Variants in DAB1 observed in about 807,000 individuals in gnomAD.
DAB1 encodes DAB adaptor protein 1.
In DAB1, 15 loss-of-function variants were observed where a neutral mutation model predicts 64.6. That is an observed-to-expected ratio of 0.23 (90% CI 0.16 to 0.36). DAB1 has a LOEUF of 0.36. Ranked by LOEUF, DAB1 falls within the 10% of genes least tolerant of loss-of-function variation. The pLI, the probability that DAB1 is intolerant of heterozygous loss-of-function variation, is 1.00. For missense variants in DAB1, 596 were observed against 706.7 expected (o/e 0.84, Z 1.78); for synonymous variants, 235 against 251.9 (o/e 0.93, Z 0.64).
chr1:57,408,536 G>T, intron 1 of DAB1, among the ~76,000 whole-genome samples: 1 of 152,086 alleles, frequency 6.6e-6, no homozygotes, highest in East Asian at 1.9e-4. Flanking sequence ...TTCTGGAATT[G>T]CAGAAAAGGG....
chr1:58,003,401 T>C (rs1048034459), intron 5 of DAB1, among the ~76,000 whole-genome samples: 1 of 152,210 alleles, frequency 6.6e-6, no homozygotes, highest in Non-Finnish European at 1.5e-5. Flanking sequence ...ATTTGCATTG[T>C]AGATGGGAGA....
intron 7 of DAB1, among the ~76,000 whole-genome samples, chr1:57,469,262 T>C (rs1687060313): frequency 6.6e-6 from 1 of 152,174 alleles, no homozygotes; most frequent in Admixed American, 6.5e-5. Flanking sequence ...ACAATTAACA[T>C]ATGCAAAGCA....
chr1:58,441,001 C>G (rs780292065), intron 3 of DAB1, among the ~76,000 whole-genome samples: 1 of 152,224 alleles, frequency 6.6e-6, no homozygotes, highest in Non-Finnish European at 1.5e-5. Flanking sequence ...TGCCTTGGAA[C>G]TATCCCAGTC....
intron 5 of DAB1, among the ~76,000 whole-genome samples, chr1:57,987,987 T>C (rs1557597642): frequency 6.6e-6 from 1 of 152,046 alleles, no homozygotes; most frequent in Non-Finnish European, 1.5e-5. Context: ...CTTTTTGAGA[T>C]TGCAATTAAG....
intron 5 of DAB1, among the ~76,000 whole-genome samples, chr1:58,042,381 C>T (rs1647149926): frequency 6.6e-6 from 1 of 152,184 alleles, no homozygotes; most frequent in Non-Finnish European, 1.5e-5. Flanking sequence ...TTGATATCTA[C>T]TGTGTATCAG....
At chr1:58,067,023 C>T (rs913537828) in intron 5 of DAB1, among the ~76,000 whole-genome samples, 3 of 152,180 alleles carry the variant, frequency 2.0e-5, no homozygotes, top group African/African-American at 7.2e-5. Flanking sequence ...GTTCTCTTCA[C>T]CTGGAGTGTT....
chr1:57,697,655 T>C (rs987563957), intron 6 of DAB1, among the ~76,000 whole-genome samples: 3 of 152,122 alleles, frequency 2.0e-5, no homozygotes, highest in Non-Finnish European at 4.4e-5. Context: ...GAAATTGTTA[T>C]GAAATGCCTT....
At chr1:58,351,583 T>C (rs1569672772) in intron 3 of DAB1, among the ~76,000 whole-genome samples, 1 of 151,912 alleles carries the variant, frequency 6.6e-6, no homozygotes, top group Non-Finnish European at 1.5e-5. Context: ...GAGTAAGTTC[T>C]CCAGCCTCTC....
chr1:57,534,424 G>A (rs948708475), intron 7 of DAB1, among the ~76,000 whole-genome samples: 4 of 152,168 alleles, frequency 2.6e-5, no homozygotes, highest in African/African-American at 9.7e-5. Context: ...CCTTCCAAGT[G>A]CTGGGCTGGT....
intron 5 of DAB1, among the ~76,000 whole-genome samples, chr1:58,041,130 G>C (rs1185635772): frequency 2.0e-5 from 3 of 152,212 alleles, no homozygotes; most frequent in Non-Finnish European, 4.4e-5. Context: ...TTAAGAGTTA[G>C]TTCCAGTGTC....
At chr1:57,810,345 A>G (rs1391652061) in intron 6 of DAB1, among the ~76,000 whole-genome samples, 1 of 152,162 alleles carries the variant, frequency 6.6e-6, no homozygotes, top group Admixed American at 6.6e-5. Flanking sequence ...GAAGAGGAAG[A>G]CTTTTCTATA....
chr1:58,312,399 A>G (rs1662450539), intron 4 of DAB1, among the ~76,000 whole-genome samples: 1 of 152,228 alleles, frequency 6.6e-6, no homozygotes, highest in South Asian at 2.1e-4. Flanking sequence ...GTGGCAATGA[A>G]AAAGACATGC....
chr1:58,143,212 ATGCTTTATTGAATGGAAG>A (rs1654384086), intron 5 of DAB1, among the ~76,000 whole-genome samples: 1 of 152,136 alleles, frequency 6.6e-6, no homozygotes. Flanking sequence ...TCCTCAATAA[ATGCTTTATTGAATGGAAG>A]TGTTTACATG....
At chr1:57,545,285 C>G (rs537119647) in intron 7 of DAB1, among the ~76,000 whole-genome samples, 1 of 152,334 alleles carries the variant, frequency 6.6e-6, no homozygotes, top group South Asian at 2.1e-4. Context: ...TTTCTATCCT[C>G]CTAGTCTGCC....
At chr1:57,658,660 T>A (rs577716225) in intron 6 of DAB1, among the ~76,000 whole-genome samples, 1 of 152,154 alleles carries the variant, frequency 6.6e-6, no homozygotes, top group Non-Finnish European at 1.5e-5. Flanking sequence ...CCTCCCAGGT[T>A]CAGACAATTC....
chr1:58,232,979 C>T (rs1659851757), intron 4 of DAB1, among the ~76,000 whole-genome samples: 1 of 152,206 alleles, frequency 6.6e-6, no homozygotes, highest in Admixed American at 6.5e-5. Flanking sequence ...TGAACACACT[C>T]ACTGTTTTCT....
intron 6 of DAB1, among the ~76,000 whole-genome samples, chr1:57,764,853 T>C (rs984795462): frequency 1.7e-5 from 2 of 117,176 alleles, no homozygotes; most frequent in Non-Finnish European, 4.0e-5. Flanking sequence ...GTAGTTAACA[T>C]AAAGAAAAGA....
chr1:57,737,240 G>C (rs1044637297), intron 6 of DAB1, among the ~76,000 whole-genome samples: 1 of 152,164 alleles, frequency 6.6e-6, no homozygotes, highest in Non-Finnish European at 1.5e-5. Flanking sequence ...AAAGACAATG[G>C]TGCTTGTTGA....
chr1:58,307,433 C>T (rs1341707705), intron 4 of DAB1, among the ~76,000 whole-genome samples: 1 of 152,122 alleles, frequency 6.6e-6, no homozygotes, highest in Non-Finnish European at 1.5e-5. Context: ...ACTGAGAAAA[C>T]AGGCATAGAG....
Sources: allele counts gnomAD v4.1 joint callset (sites outside exome capture counted in the v4.1 genomes callset), GRCh38; gene constraint gnomAD v4.1.1; transcripts MANE v1.5; gene names NCBI Gene and HGNC (gene_info 2026-07-23, HGNC 2026-07-21).